The following COX10 variants were observed in gnomAD, a reference collection of about 807,000 sequenced individuals.
The protein encoded by COX10 is protoheme IX farnesyltransferase, mitochondrial.
A neutral mutation model predicts 37.3 loss-of-function variants in COX10; 27 were observed. The ratio of observed to expected loss-of-function variants is 0.72; its 90% CI spans 0.53 to 1.00. The LOEUF is 1.00. COX10 is among the 50% of genes least tolerant of loss of function. COX10 has a pLI of 0.00. For synonymous variants in COX10, 222 were observed against 229.1 expected (o/e 0.97, Z 0.28); for missense variants, 475 against 563.2 (o/e 0.84, Z 1.59).
chr17:14,144,341 G>T (rs112863344), intron 4 of COX10, among the ~76,000 whole-genome samples: 10 of 152,160 alleles, frequency 6.6e-5, no homozygotes, highest in African/African-American at 2.4e-4. Flanking sequence ...GGGTCATACT[G>T]TTGTCACATT....
At chr17:14,116,370 A>C (rs1916111133) in intron 4 of COX10, among the ~76,000 whole-genome samples, 1 of 152,156 alleles carries the variant, frequency 6.6e-6, no homozygotes, top group South Asian at 2.1e-4. Context: ...TTTCATTACT[A>C]GAGGAAAACA....
intron 4 of COX10, among the ~76,000 whole-genome samples, chr17:14,128,889 C>A (rs1916401215): frequency 6.6e-6 from 1 of 152,250 alleles, no homozygotes. Context: ...CTGTCGCGCC[C>A]AGGCGAGAGT....
At chr17:14,145,621 G>C (rs1904689456) in intron 4 of COX10, among the ~76,000 whole-genome samples, 1 of 152,146 alleles carries the variant, frequency 6.6e-6, no homozygotes, top group Non-Finnish European at 1.5e-5. Context: ...GAAGAGCTTT[G>C]TAAGCCGTGT....
chr17:14,159,997 T>G (rs1202264889), intron 5 of COX10, 50 bp downstream of exon 5: 1 of 1,501,474 alleles, frequency 6.7e-7, no homozygotes, highest in East Asian at 2.3e-5. Context: ...ATTCATTTGC[T>G]TGTTCATCTG....
intron 5 of COX10, among the ~76,000 whole-genome samples, chr17:14,161,192 T>C (rs144684808): frequency 1.1e-3 from 170 of 152,284 alleles, no homozygotes; most frequent in African/African-American, 3.9e-3. Flanking sequence ...GGAGGGAGCA[T>C]TGGGGCCTTA....
intron 4 of COX10, among the ~76,000 whole-genome samples, chr17:14,107,260 T>C (rs933100436): frequency 2.0e-5 from 3 of 152,128 alleles, no homozygotes; most frequent in African/African-American, 7.2e-5. Context: ...AGATCCTGGC[T>C]ATAATTTCTG....
At position 14,136,463 on chromosome 17, in the gene COX10, A is replaced by G. The variant is rs530448458; in HGVS notation, c.625-23414A>G. Among the ~76,000 whole-genome samples the G allele has an allele frequency of 1.1e-4, 17 of 152,062 alleles. No individual in the cohort carries two copies. In the South Asian group the frequency reaches 3.1e-3, roughly 28 times the overall value. ...AAAACAAAGCCTAGATGTGCTTTCCATTCATTTCCAGTTTGCTCAGACTGA... is the reference window on the plus strand; with the variant it reads ...AAAACAAAGCCTAGATGTGCTTTCCGTTCATTTCCAGTTTGCTCAGACTGA... On this transcript the variant is annotated intron_variant, in intron 4 of 6. Transcript: ENST00000261643.
chr17:14,071,081 C>T (rs1915012445), intron 1 of COX10, among the ~76,000 whole-genome samples: 2 of 152,100 alleles, frequency 1.3e-5, no homozygotes, highest in Admixed American at 1.3e-4. Flanking sequence ...TACATTCTAC[C>T]ATACCTGACT....
chr17:14,175,092 G>T lies in COX10; in HGVS notation c.695+15145G>T, dbSNP rs74714447. Among the ~76,000 whole-genome samples, 7 of 69,938 alleles carry T rather than the reference G, an allele frequency of 1.0e-4. 3 individuals carry two copies. Among genetic ancestry groups the T allele is most frequent in the Non-Finnish European group, 1.8e-4 (5 of 27,568 alleles). 45.9% of individuals were successfully genotyped at this position (69,938 alleles called of 152,430 possible). ...GGTTACTGGGAAATAGCGGGGGGGG[G>T]GGGGGTGGATAGGAGGGAATTGGCT... On this transcript the variant is annotated intron_variant, in intron 5 of 6. Coordinates refer to ENST00000261643, the MANE Select transcript of COX10 (RefSeq NM_001303.4).
intron 4 of COX10, among the ~76,000 whole-genome samples, chr17:14,116,155 A>G (rs1365040172): frequency 1.3e-5 from 2 of 152,140 alleles, no homozygotes; most frequent in Non-Finnish European, 2.9e-5. Context: ...CTTCTTTGTC[A>G]TTTGAAGGCT....
At chr17:14,115,907 A>G (rs1306462082) in intron 4 of COX10, among the ~76,000 whole-genome samples, 1 of 152,198 alleles carries the variant, frequency 6.6e-6, no homozygotes, top group Non-Finnish European at 1.5e-5. Flanking sequence ...ATGATGAGAA[A>G]CTGGAACAAT....
At chr17:14,193,562 G>T (rs1448194507) in intron 6 of COX10, among the ~76,000 whole-genome samples, 4 of 148,318 alleles carry the variant, frequency 2.7e-5, no homozygotes, top group Admixed American at 6.8e-5. Flanking sequence ...CTGCAGCCTG[G>T]TGGGAAAGAG....
chr17:14,112,031 C>A (rs1916013601), intron 4 of COX10, among the ~76,000 whole-genome samples: 1 of 152,130 alleles, frequency 6.6e-6, no homozygotes, highest in African/African-American at 2.4e-5. Context: ...TTTTCACTTA[C>A]TCTGATTGAG....
At chr17:14,154,527 A>T (rs1904991264) in intron 4 of COX10, among the ~76,000 whole-genome samples, 1 of 152,172 alleles carries the variant, frequency 6.6e-6, no homozygotes, top group Admixed American at 6.5e-5. Context: ...TGCCATGGGG[A>T]TTGAAAGGAG....
rs549774374 is a variant in COX10, at chr17:14,174,419, A to G, written c.695+14472A>G. On this transcript the variant is annotated intron_variant, in intron 5 of 6. Coordinates refer to ENST00000261643, the MANE Select transcript of COX10 (RefSeq NM_001303.4). ...TGTTGCAGTCAGCTAAGATGATGCC[A>G]CTGCACTCAAGTCTGGGTGACAGAG... Among the ~76,000 whole-genome samples the G allele has an allele frequency of 5.4e-5, 8 of 149,316 alleles. No homozygotes were observed. In the South Asian group the frequency reaches 1.7e-3, roughly 32 times the overall value.
chr17:14,156,828 A>T (rs1435169450), intron 4 of COX10, among the ~76,000 whole-genome samples: 1 of 151,762 alleles, frequency 6.6e-6, no homozygotes, highest in Admixed American at 6.6e-5. Flanking sequence ...CCTTTGCACA[A>T]CTCTGTCCTT....
chr17:14,205,983 G>A (rs1386106765), intron 6 of COX10, among the ~76,000 whole-genome samples: 2 of 152,176 alleles, frequency 1.3e-5, no homozygotes, highest in African/African-American at 4.8e-5. Context: ...CAAAGCCATA[G>A]ACAAGTTATC....
At chr17:14,099,864 A>G (rs187586771) in intron 3 of COX10, among the ~76,000 whole-genome samples, 1 of 152,000 alleles carries the variant, frequency 6.6e-6, no homozygotes, top group African/African-American at 2.4e-5. Flanking sequence ...AAAACAGCAC[A>G]TGTTCCTAAG....
At chr17:14,071,875 G>A (rs562599407) in intron 1 of COX10, among the ~76,000 whole-genome samples, 1 of 152,096 alleles carries the variant, frequency 6.6e-6, no homozygotes, top group African/African-American at 2.4e-5. Context: ...ACTCCAGCCT[G>A]GGTGACAGAG....
Sources: allele counts gnomAD v4.1 joint callset (sites outside exome capture counted in the v4.1 genomes callset), GRCh38; gene constraint gnomAD v4.1.1; transcripts MANE v1.5; gene names NCBI Gene and HGNC (gene_info 2026-07-23, HGNC 2026-07-21).